GRIA2: variants seen among roughly 807,000 people sequenced by gnomAD.
The protein encoded by GRIA2 is glutamate ionotropic receptor AMPA type subunit 2, also known as glutamate receptor 2.
GRIA2 carries 14 observed loss-of-function variants against 97.3 expected under a neutral mutation model. The observed-to-expected ratio is 0.14, with a 90% confidence interval of 0.10 to 0.23. GRIA2 has a LOEUF of 0.23. GRIA2 is among the 10% of genes least tolerant of loss of function. The probability of loss-of-function intolerance (pLI) is 1.00; values close to 1 mark genes in which losing one functional copy is unlikely to be tolerated. For missense variants in GRIA2, 558 were observed against 1,069.8 expected (o/e 0.52, Z 6.67); for synonymous variants, 412 against 387.8 (o/e 1.06, Z -0.73).
intron 2 of GRIA2, among the ~76,000 whole-genome samples, chr4:157,262,961 C>T (rs1218926873): frequency 6.6e-6 from 1 of 152,054 alleles, no homozygotes; most frequent in Non-Finnish European, 1.5e-5. Context: ...CCAAGTTATA[C>T]TTTTATAAAA....
chr4:157,346,992 G>T (rs559970183), intron 12 of GRIA2, among the ~76,000 whole-genome samples: 11 of 152,194 alleles, frequency 7.2e-5, no homozygotes, highest in Non-Finnish European at 1.3e-4. Flanking sequence ...AGCCTAAGTT[G>T]CCTTCAGTAG....
intron 2 of GRIA2, among the ~76,000 whole-genome samples, chr4:157,230,187 G>C (rs1579288644): frequency 6.6e-6 from 1 of 152,056 alleles, no homozygotes; most frequent in African/African-American, 2.4e-5. Context: ...ATACCGTTCT[G>C]TTTCAGATTT....
chr4:157,355,704 T>C (rs1207071654), intron 12 of GRIA2, among the ~76,000 whole-genome samples: 1 of 112,964 alleles, frequency 8.9e-6, no homozygotes, highest in Non-Finnish European at 1.7e-5. Flanking sequence ...TTATATATAT[T>C]TGTATATATT....
At chr4:157,316,069 A>G (rs527273506) in intron 4 of GRIA2, among the ~76,000 whole-genome samples, 1 of 152,260 alleles carries the variant, frequency 6.6e-6, no homozygotes, top group Non-Finnish European at 1.5e-5. Flanking sequence ...AAACTCAAGT[A>G]GGGACTACTG....
intron 2 of GRIA2, among the ~76,000 whole-genome samples, chr4:157,265,653 CT>C (rs1046444211): frequency 3.7e-4 from 56 of 152,184 alleles, no homozygotes; most frequent in African/African-American, 1.3e-3. Flanking sequence ...ATATTTCAAT[CT>C]TAATAGAGCT....
intron 12 of GRIA2, among the ~76,000 whole-genome samples, chr4:157,345,028 C>G (rs1022855766): frequency 2.6e-5 from 4 of 151,918 alleles, no homozygotes; most frequent in African/African-American, 9.7e-5. Flanking sequence ...AGTTAGGGAT[C>G]TGTTTTGTAC....
chr4:157,287,601 C>A (rs1216797341), intron 2 of GRIA2, among the ~76,000 whole-genome samples: 1 of 151,576 alleles, frequency 6.6e-6, no homozygotes, highest in Non-Finnish European at 1.5e-5. Flanking sequence ...TGAGGTTTTC[C>A]ACTATGTAAA....
At chr4:157,307,491 C>T (rs79018751) in intron 3 of GRIA2, among the ~76,000 whole-genome samples, 1,696 of 152,242 alleles carry the variant, frequency 0.011, 33 homozygotes, top group African/African-American at 0.038. Context: ...CTTACCCAGG[C>T]CATGTGGCAA....
Position 157,361,545 on chromosome 4 carries a change from G to C in GRIA2, c.2406+421G>C. ...GTTATTTTCCACGTGAAGAACCCCAGTAAATCTTGCAGTATTGAAACTCAG... is the reference window on the plus strand; with the variant it reads ...GTTATTTTCCACGTGAAGAACCCCACTAAATCTTGCAGTATTGAAACTCAG... On this transcript the variant is annotated intron_variant, in intron 14 of 15. Transcript: ENST00000264426. This position sits in a 1 kb window ranked among gnomAD's most constrained non-coding sequence, Gnocchi z 5.2. 1 of 1,591,830 alleles carries C rather than the reference G, an allele frequency of 6.3e-7. No individual in the cohort carries two copies.
At chr4:157,357,923 C>T (rs1560782664) in intron 12 of GRIA2, among the ~76,000 whole-genome samples, 2 of 152,026 alleles carry the variant, frequency 1.3e-5, no homozygotes, top group East Asian at 3.9e-4. Flanking sequence ...TGAATTTTCT[C>T]TGAAGGGCAT....
At chr4:157,271,264 A>G (rs891133357) in intron 2 of GRIA2, among the ~76,000 whole-genome samples, 4 of 151,936 alleles carry the variant, frequency 2.6e-5, no homozygotes, top group Non-Finnish European at 5.9e-5. Flanking sequence ...TAATTCTGAC[A>G]CAGTCTACCC....
At chr4:157,305,873 G>A (rs1472407151) in intron 3 of GRIA2, among the ~76,000 whole-genome samples, 2 of 152,064 alleles carry the variant, frequency 1.3e-5, no homozygotes, top group Non-Finnish European at 2.9e-5. Context: ...TAAGCATTAT[G>A]TTTTTCATGT....
intron 2 of GRIA2, among the ~76,000 whole-genome samples, chr4:157,222,748 C>G (rs1729561663): frequency 6.6e-6 from 1 of 152,204 alleles, no homozygotes; most frequent in African/African-American, 2.4e-5. Context: ...TCTCACTCCG[C>G]GCAGTGCTCC....
chr4:157,303,495 A>G (rs1417147082), intron 2 of GRIA2, 57 bp from the exon 3 acceptor site: 46 of 1,513,446 alleles, frequency 3.0e-5, no homozygotes, highest in East Asian at 2.3e-4. Flanking sequence ...AAGCAAATTC[A>G]TATGATTGTG....
At chr4:157,363,073 T>C in intron 15 of GRIA2, 26 bp downstream of exon 15, 3 of 1,580,248 alleles carry the variant, frequency 1.9e-6, no homozygotes, top group Non-Finnish European at 2.6e-6. Flanking sequence ...TAATACAAAC[T>C]TTTTAGTGCA....
intron 6 of GRIA2, among the ~76,000 whole-genome samples, chr4:157,327,904 G>A (rs1005912741): frequency 6.6e-6 from 1 of 151,956 alleles, no homozygotes; most frequent in Non-Finnish European, 1.5e-5. Flanking sequence ...TACCCTAGTG[G>A]CCTAATAGAA....
rs1735289654 is a variant in GRIA2 at position 157,336,366 on chromosome 4, T to G, written c.1474-11T>G. On this transcript the variant is annotated splice_polypyrimidine_tract_variant and intron_variant, in intron 10 of 15. Coordinates refer to ENST00000264426, the MANE Select transcript of GRIA2 (RefSeq NM_001083619.3). ...TCCAGGTACTATTACTTTCCTTTTT[T>G]TCCCTTACAGAAAGCTGATATTGCA... 6.6e-7 allele frequency: 1 copy of G among 1,526,030 alleles called. No individual in the cohort carries two copies. The highest frequency in any genetic ancestry group is 1.4e-5 in the African/African-American group (1 of 71,820). The allele number at this position is 1,526,030 out of a possible 1,614,324, so 94.5% of individuals were successfully genotyped here. A position where few individuals can be genotyped will look rare whatever the true frequency, so the allele number is the denominator to read the frequency against.
At chr4:157,294,490 G>T (rs565206973) in intron 2 of GRIA2, among the ~76,000 whole-genome samples, 229 of 151,774 alleles carry the variant, frequency 1.5e-3, no homozygotes, top group African/African-American at 5.2e-3. Context: ...CAAGAGGAAA[G>T]AAGAAATATA....
intron 2 of GRIA2, among the ~76,000 whole-genome samples, chr4:157,264,742 A>G (rs1579315705): frequency 6.6e-6 from 1 of 152,132 alleles, no homozygotes; most frequent in African/African-American, 2.4e-5. Context: ...TGCTAGTCCC[A>G]TCTCTGCAGC....
Sources: allele counts gnomAD v4.1 joint callset (sites outside exome capture counted in the v4.1 genomes callset), GRCh38; gene constraint gnomAD v4.1.1; non-coding constraint Gnocchi (gnomAD v3.1); transcripts MANE v1.5; gene names NCBI Gene and HGNC (gene_info 2026-07-23, HGNC 2026-07-21).